Variants in HMCN2 observed in about 807,000 individuals in gnomAD.
HMCN2 encodes the protein hemicentin-2.
HMCN2 carries 325 observed loss-of-function variants against 377.5 expected under a neutral mutation model. The observed-to-expected ratio is 0.86, with a 90% CI of 0.79 to 0.94. The LOEUF is 0.94. HMCN2 is among the 40% of genes least tolerant of loss of function. The pLI is 0.00. For missense variants in HMCN2, 4,543 were observed against 4,725.3 expected (o/e 0.96, Z 1.13); for synonymous variants, 2,007 against 2,046.8 (o/e 0.98, Z 0.53).
In HMCN2 at chr9:130,406,018, G is replaced by A. The variant is rs757564868; in HGVS notation, c.12403G>A (p.Val4135Met). 1.5e-5 allele frequency: 19 copies of A among 1,289,828 alleles called. No homozygotes were observed. The highest frequency in any genetic ancestry group is 1.8e-5 in the Non-Finnish European group (18 of 988,872). 79.9% of individuals were successfully genotyped at this position (1,289,828 alleles called of 1,614,324 possible). The change falls in exon 82 of 98, where the codon GTG (valine) becomes ATG (methionine). Residue 4135 changes from valine to methionine, a missense_variant. Around this residue, in one of 5 missense-constraint regions of HMCN2, gnomAD observed 1,073 missense variants for 1,319.5 expected, o/e 0.81. Transcript: ENST00000683500. ...CGCCGTGGGCCGGGCCCGCCGCCGC[G>A]TGCACCTCACCATCCTGGTACTGCC... is the stretch of plus-strand genomic sequence containing the variant. ...ENAVGRARRR[V>M]HLTILVLPVF...
rs1025104135 is a variant in HMCN2 at position 130,379,376 on chromosome 9, C to A, written c.8340C>A (p.Tyr2780Ter). 9.1e-6 allele frequency: 9 copies of A among 985,708 alleles called. No homozygotes were observed. Among genetic ancestry groups the A allele is most frequent in the Non-Finnish European group, 1.1e-5 (9 of 829,944 alleles). 61.1% of individuals were successfully genotyped at this position (985,708 alleles called of 1,614,324 possible). The change falls in exon 54 of 98, where the codon TAC becomes TAA. Residue 2780 changes from tyrosine to a stop codon, truncating the protein, a stop_gained. Coordinates refer to ENST00000683500, the MANE Select transcript of HMCN2 (RefSeq NM_001291815.2). LOFTEE classifies it high-confidence loss of function. ...TGGAGAACAACCCAGCCTACCTGTA[C>A]TGCGACACCAACGCGATCCCACCCC... ...EIVENNPAYL[Y>*]CDTNAIPPPD...
intron 19 of HMCN2, among the ~76,000 whole-genome samples, chr9:130,324,053 C>G (rs1248461248): frequency 1.3e-5 from 2 of 152,186 alleles, no homozygotes; most frequent in East Asian, 3.8e-4. Flanking sequence ...TATCATTTGA[C>G]GATGTTTAGG....
chr9:130,433,980 G>A lies in HMCN2; in HGVS notation c.*287G>A. 2.8e-6 allele frequency: 1 copy of A among 354,996 alleles called. No homozygotes were observed. The highest frequency in any genetic ancestry group is 5.0e-6 in the Non-Finnish European group (1 of 198,626). The allele number at this position is 354,996 out of a possible 1,614,324, so 22.0% of individuals were successfully genotyped here. A position where few individuals can be genotyped will look rare whatever the true frequency, so the allele number is the denominator to read the frequency against. ...CCAGGTCTGATCCGCCCCTCAGTGG[G>A]AGCGGGACAGGGACACAGGGCACCT... On this transcript the variant is annotated 3_prime_UTR_variant, in exon 98 of 98. Transcript: ENST00000683500.
Position 130,351,378 on chromosome 9 carries a change from A to G in HMCN2, c.4431-45A>G, listed in dbSNP as rs1839706151. On this transcript the variant is annotated intron_variant, in intron 29 of 97. Transcript: ENST00000683500. The surrounding 1 kb of genome is among the most constrained non-coding windows in gnomAD (Gnocchi z 5.4). ...TCCCTGTGTGCAGCGTGTCCCATCC[A>G]GCCCCTCGGCCTTACTGGCGCTTTT... The G allele has an allele frequency of 7.8e-7, 1 of 1,275,218 alleles. No homozygotes were observed. The highest frequency in any genetic ancestry group is 5.7e-5 in the East Asian group (1 of 17,450). The allele number at this position is 1,275,218 out of a possible 1,614,324, so 79.0% of individuals were successfully genotyped here.
chr9:130,398,404 G>A (rs922967552), intron 74 of HMCN2, 147 bp from the exon 75 acceptor site: 9 of 216,394 alleles, frequency 4.2e-5, no homozygotes, highest in Non-Finnish European at 4.7e-5. Flanking sequence ...GCGCTGTCTC[G>A]GGGCTTTCTC....
At chr9:130,376,426 C>T in intron 51 of HMCN2, 90 bp from the exon 52 acceptor site, 5 of 266,254 alleles carry the variant, frequency 1.9e-5, no homozygotes, top group Non-Finnish European at 2.9e-5. Context: ...GGCCGGCCCC[C>T]ATTTCTGAGG....
At chr9:130,282,967 G>A (rs1252104996) in intron 1 of HMCN2, among the ~76,000 whole-genome samples, 1 of 152,238 alleles carries the variant, frequency 6.6e-6, no homozygotes, top group East Asian at 1.9e-4. Context: ...GCTACTCAGG[G>A]GGCTGAGGCA....
At position 130,290,427 on chromosome 9, in the gene HMCN2, G is replaced by A. The variant is rs578084962; in HGVS notation, c.612+4117G>A. ...AACATCCTAGAACAAGCTTGTAACA[G>A]CAGTTACGACACAGTAGCGGGTGTC... On this transcript the variant is annotated intron_variant, in intron 4 of 97. Coordinates refer to ENST00000683500, the MANE Select transcript of HMCN2 (RefSeq NM_001291815.2). Among the ~76,000 whole-genome samples, 12 of 152,354 alleles carry A rather than the reference G, an allele frequency of 7.9e-5. No homozygotes were observed. In the East Asian group the frequency reaches 2.3e-3, roughly 29 times the overall value.
intron 95 of HMCN2, 190 bp downstream of exon 95, chr9:130,430,794 G>A: frequency 1.7e-6 from 1 of 601,528 alleles, no homozygotes; most frequent in South Asian, 2.3e-5. Flanking sequence ...TATTGGGCAG[G>A]GGGCTTCCAA....
At chr9:130,271,382 A>T (rs1472001545) in intron 1 of HMCN2, among the ~76,000 whole-genome samples, 5 of 148,792 alleles carry the variant, frequency 3.4e-5, no homozygotes, top group African/African-American at 1.2e-4. Flanking sequence ...TCTGCATGAG[A>T]GTTGTCTCTT....
At chr9:130,427,405 G>A (rs1436494798) in intron 91 of HMCN2, 30 bp downstream of exon 91, 6 of 1,550,572 alleles carry the variant, frequency 3.9e-6, no homozygotes, top group Non-Finnish European at 3.5e-6. Flanking sequence ...GCATGGATGT[G>A]GGAGGCCTCT....
chr9:130,283,954 A>G (rs781999508), intron 1 of HMCN2, among the ~76,000 whole-genome samples: 3 of 152,230 alleles, frequency 2.0e-5, no homozygotes, highest in Non-Finnish European at 4.4e-5. Context: ...GCTGGACCCC[A>G]TGGTAGGTGC....
intron 30 of HMCN2, 114 bp from the exon 31 acceptor site, chr9:130,352,813 C>T: frequency 1.1e-6 from 1 of 870,034 alleles, no homozygotes; most frequent in South Asian, 1.8e-5. Flanking sequence ...CCTGCCCCCG[C>T]AATGGAAGCC....
In HMCN2 at chr9:130,404,858, T is replaced by A; in HGVS notation, c.12149-11T>A. The stretch of plus-strand genomic sequence containing the variant: ...AGCCCCGGTTCCGAGTGGGCCTCCC[T>A]CTGCCCGCAGTCCCACCAGTGATCG... On this transcript the variant is annotated splice_polypyrimidine_tract_variant and intron_variant, in intron 80 of 97. Transcript: ENST00000683500. 8.1e-7 allele frequency: 1 copy of A among 1,230,578 alleles called. No homozygotes were observed. Among genetic ancestry groups the A allele is most frequent in the South Asian group, 1.4e-5 (1 of 72,110 alleles). The allele number at this position is 1,230,578 out of a possible 1,614,324, so 76.2% of individuals were successfully genotyped here.
chr9:130,296,075 C>T (rs1836134433), intron 6 of HMCN2, among the ~76,000 whole-genome samples: 2 of 152,172 alleles, frequency 1.3e-5, no homozygotes, highest in African/African-American at 4.8e-5. Flanking sequence ...AAAGAAGCAA[C>T]AGCAACTTTG....
At chr9:130,406,504 G>C (rs1588411163) in intron 82 of HMCN2, 1 of 275,336 alleles carries the variant, frequency 3.6e-6, no homozygotes, top group East Asian at 9.0e-5. Flanking sequence ...GGCCCGTGGG[G>C]ACTCTGTCCT....
At position 130,420,467 on chromosome 9, in the gene HMCN2, T is replaced by TA. The variant is rs567658278; in HGVS notation, c.13231+1433dup. Among the ~76,000 whole-genome samples, 385 of 151,746 alleles carry TA rather than the reference T, an allele frequency of 2.5e-3. 4 individuals are homozygous for TA. Among genetic ancestry groups the TA allele is most frequent in the Middle Eastern group, 0.01 (3 of 294 alleles). On this transcript the variant is annotated intron_variant, in intron 86 of 97. Transcript: ENST00000683500. ...TGTATTTGTTCTGTAGGGCTACTGGTAAAAAAACAAAACAAAACAAAACAA... is the reference window on the plus strand; with the variant it reads ...TGTATTTGTTCTGTAGGGCTACTGGTAAAAAAAACAAAACAAAACAAAACAA...
rs1834073300 is a variant in HMCN2 at position 130,266,021 on chromosome 9, C to T, written c.143C>T (p.Ser48Phe). ...GCCTTCGTCTTCGACGTCACCGGCTCCATGTGGGACGAACTGATGCAGGTG... is the reference window on the plus strand; with the variant it reads ...GCCTTCGTCTTCGACGTCACCGGCTTCATGTGGGACGAACTGATGCAGGTG... Reference protein sequence around the residue: ...TLAFVFDVTGSMWDELMQVID... With the variant: ...TLAFVFDVTGFMWDELMQVID... The change falls in exon 1 of 98, where the codon TCC becomes TTC. Residue 48 changes from serine to phenylalanine, a missense_variant. Ser to Phe is a radical substitution (Grantham distance 155, BLOSUM62 -2). Coordinates refer to ENST00000683500, the MANE Select transcript of HMCN2 (RefSeq NM_001291815.2). 1 of 470,750 alleles carries T rather than the reference C, an allele frequency of 2.1e-6. No homozygotes were observed. Among genetic ancestry groups the T allele is most frequent in the Non-Finnish European group, 4.4e-6 (1 of 226,918 alleles). The allele number at this position is 470,750 out of a possible 1,614,324, so 29.2% of individuals were successfully genotyped here.
At position 130,406,049 on chromosome 9, in the gene HMCN2, TCAC is replaced by T; in HGVS notation, c.12439_12441del (p.Thr4147del). 1 of 1,289,866 alleles carries T rather than the reference TCAC, an allele frequency of 7.8e-7. No individual in the cohort carries two copies. The highest frequency in any genetic ancestry group is 1.2e-5 in the South Asian group (1 of 81,032). The allele number at this position is 1,289,866 out of a possible 1,614,324, so 79.9% of individuals were successfully genotyped here. On this transcript the variant is annotated inframe_deletion, in exon 82 of 98. Transcript: ENST00000683500. ...CTCACCATCCTGGTACTGCCTGTGT[TCAC>T]CACCCTGCCTGGGGACCGCAGCCTG...
Sources: allele counts gnomAD v4.1 joint callset (sites outside exome capture counted in the v4.1 genomes callset), GRCh38; gene constraint gnomAD v4.1.1; regional missense constraint gnomAD v4.1.1; non-coding constraint Gnocchi (gnomAD v3.1); transcripts MANE v1.5; gene names NCBI Gene and HGNC (gene_info 2026-07-23, HGNC 2026-07-21).